CCDC85A: variants seen among roughly 807,000 people sequenced by gnomAD.
The protein encoded by CCDC85A is coiled-coil domain-containing protein 85A.
A neutral mutation model predicts 50.2 loss-of-function variants in CCDC85A; 38 were observed. The observed-to-expected ratio is 0.76, with a 90% CI of 0.58 to 0.99. The LOEUF is 0.99. CCDC85A is among the 50% of genes least tolerant of loss of function. CCDC85A has a pLI of 0.00. For synonymous variants in CCDC85A, 366 were observed against 301.4 expected (o/e 1.21, Z -2.22); for missense variants, 820 against 742.0 (o/e 1.11, Z -1.22).
At chr2:56,278,408 C>A (rs1482097221) in intron 2 of CCDC85A, among the ~76,000 whole-genome samples, 6 of 152,002 alleles carry the variant, frequency 3.9e-5, no homozygotes, top group Non-Finnish European at 8.8e-5. Flanking sequence ...ATGCATGTCC[C>A]AGAGCTTTCT....
intron 2 of CCDC85A, among the ~76,000 whole-genome samples, chr2:56,239,993 T>C (rs370640064): frequency 2.5e-4 from 38 of 152,258 alleles, no homozygotes; most frequent in African/African-American, 8.7e-4. Context: ...AAGTTTGAAT[T>C]TTTTTTCAAA....
chr2:56,334,977 C>T (rs1673999944), intron 2 of CCDC85A, among the ~76,000 whole-genome samples: 1 of 152,060 alleles, frequency 6.6e-6, no homozygotes, highest in African/African-American at 2.4e-5. Flanking sequence ...TGGACTAGGG[C>T]AAAATCTGAT....
intron 4 of CCDC85A, among the ~76,000 whole-genome samples, chr2:56,373,518 A>G (rs1428364419): frequency 2.6e-5 from 4 of 152,332 alleles, no homozygotes; most frequent in South Asian, 2.1e-4. Flanking sequence ...TGAAACCAAA[A>G]TGCCCTGAAC....
At chr2:56,291,016 C>A (rs1171203661) in intron 2 of CCDC85A, among the ~76,000 whole-genome samples, 1 of 152,136 alleles carries the variant, frequency 6.6e-6, no homozygotes, top group Non-Finnish European at 1.5e-5. Context: ...CCATGTAACT[C>A]TTTTGGGGGA....
intron 2 of CCDC85A, among the ~76,000 whole-genome samples, chr2:56,231,374 T>C (rs12713315): frequency 0.29 from 43,512 of 152,034 alleles, 6,963 homozygotes; most frequent in African/African-American, 0.41. Context: ...GTGTCCCTTA[T>C]AGAAATCAGT....
At chr2:56,295,061 G>A (rs970247553) in intron 2 of CCDC85A, among the ~76,000 whole-genome samples, 2 of 152,200 alleles carry the variant, frequency 1.3e-5, no homozygotes, top group African/African-American at 4.8e-5. Context: ...GATTGCTGAA[G>A]AAGTTTGTCA....
At chr2:56,323,886 A>G (rs1673340599) in intron 2 of CCDC85A, among the ~76,000 whole-genome samples, 1 of 152,248 alleles carries the variant, frequency 6.6e-6, no homozygotes, top group Admixed American at 6.5e-5. Context: ...CATAGAGAAC[A>G]AATAGAATAC....
chr2:56,303,802 G>T (rs969175105), intron 2 of CCDC85A, among the ~76,000 whole-genome samples: 1 of 152,116 alleles, frequency 6.6e-6, no homozygotes, highest in Non-Finnish European at 1.5e-5. Flanking sequence ...AGTGTAAGGG[G>T]TGCTTTAGAC....
intron 2 of CCDC85A, among the ~76,000 whole-genome samples, chr2:56,327,645 T>C (rs1241270334): frequency 6.6e-6 from 1 of 152,102 alleles, no homozygotes; most frequent in Non-Finnish European, 1.5e-5. Flanking sequence ...GGACATAATA[T>C]TCAGCATGGT....
intron 2 of CCDC85A, among the ~76,000 whole-genome samples, chr2:56,227,769 G>T (rs1382559431): frequency 1.3e-5 from 2 of 151,784 alleles, no homozygotes; most frequent in Admixed American, 1.3e-4. Context: ...GTGATTATCT[G>T]TTGGTCCAGT....
Position 56,184,807 on chromosome 2 carries a change from G to T in CCDC85A, c.183G>T (p.Ala61=), listed in dbSNP as rs776440818. 3.2e-6 allele frequency: 5 copies of T among 1,546,102 alleles called. No individual in the cohort carries two copies. The highest frequency in any genetic ancestry group is 3.5e-6 in the Non-Finnish European group (4 of 1,146,076). ...ELIRSLRRAE[A]EKVSAMLDHS... ...TCCGCAGCCTGCGGCGCGCCGAGGC[G>T]GAGAAGGTGAGCGCGATGCTGGACC... The change falls in exon 1 of 6, where the codon GCG becomes GCT. Residue 61 remains alanine, a synonymous_variant. Coordinates refer to ENST00000407595, the MANE Select transcript of CCDC85A (RefSeq NM_001080433.2).
intron 5 of CCDC85A, among the ~76,000 whole-genome samples, chr2:56,382,365 C>G (rs940125384): frequency 7.3e-5 from 11 of 150,336 alleles, no homozygotes. Context: ...AGTATTGCTC[C>G]TAGAGATTAG....
intron 2 of CCDC85A, among the ~76,000 whole-genome samples, chr2:56,252,273 C>T (rs936782114): frequency 6.6e-6 from 1 of 152,040 alleles, no homozygotes; most frequent in African/African-American, 2.4e-5. Flanking sequence ...GTATCGAATA[C>T]CTGACCTTGT....
chr2:56,292,032 A>C (rs1671734416), intron 2 of CCDC85A, among the ~76,000 whole-genome samples: 1 of 152,166 alleles, frequency 6.6e-6, no homozygotes, highest in Non-Finnish European at 1.5e-5. Context: ...CCTGAGTTAA[A>C]AACATTTATT....
At chr2:56,338,479 T>C (rs1350400164) in intron 2 of CCDC85A, among the ~76,000 whole-genome samples, 1 of 152,188 alleles carries the variant, frequency 6.6e-6, no homozygotes, top group Non-Finnish European at 1.5e-5. Flanking sequence ...CCCAAAAGGC[T>C]TCTTTCTTCT....
intron 2 of CCDC85A, among the ~76,000 whole-genome samples, chr2:56,220,363 G>T (rs1288631677): frequency 6.6e-6 from 1 of 152,000 alleles, no homozygotes; most frequent in Non-Finnish European, 1.5e-5. Context: ...ATGAAGTCAT[G>T]CTTGTGTTAT....
chr2:56,205,894 G>A (rs1224182708), intron 2 of CCDC85A, among the ~76,000 whole-genome samples: 1 of 152,164 alleles, frequency 6.6e-6, no homozygotes, highest in African/African-American at 2.4e-5. Context: ...TTAGCAATTG[G>A]TGCTGTGAGC....
chr2:56,302,525 T>C (rs535762732), intron 2 of CCDC85A, among the ~76,000 whole-genome samples: 3 of 152,268 alleles, frequency 2.0e-5, no homozygotes, highest in African/African-American at 7.2e-5. Context: ...TCTCTAGAAT[T>C]TTGGAACAGA....
At chr2:56,198,114 A>G (rs1676600035) in intron 2 of CCDC85A, among the ~76,000 whole-genome samples, 1 of 152,250 alleles carries the variant, frequency 6.6e-6, no homozygotes, top group African/African-American at 2.4e-5. Context: ...TTGATAACAC[A>G]AAGTGGCCTT....
Sources: allele counts gnomAD v4.1 joint callset (sites outside exome capture counted in the v4.1 genomes callset), GRCh38; gene constraint gnomAD v4.1.1; transcripts MANE v1.5; gene names NCBI Gene and HGNC (gene_info 2026-07-23, HGNC 2026-07-21).